The following IMMP2L variants were observed in gnomAD, a reference collection of about 807,000 sequenced individuals.
IMMP2L encodes inner mitochondrial membrane peptidase subunit 2, also known as mitochondrial inner membrane protease subunit 2.
A neutral mutation model predicts 19.3 loss-of-function variants in IMMP2L; 18 were observed. The observed-to-expected ratio is 0.93, with a 90% confidence interval of 0.64 to 1.38. IMMP2L has a LOEUF of 1.38. Ranked by LOEUF, IMMP2L falls within the 40% of genes most tolerant of loss-of-function variation. The probability of loss-of-function intolerance (pLI) is 0.00; values close to 1 mark genes in which losing one functional copy is unlikely to be tolerated. For synonymous variants in IMMP2L, 76 were observed against 73.0 expected, an observed-to-expected ratio of 1.04 and a Z score of -0.21; for missense variants, 233 against 218.2, an observed-to-expected ratio of 1.07 and a Z score of -0.43.
intron 2 of IMMP2L, among the ~76,000 whole-genome samples, chr7:111,509,004 G>A (rs944104846): frequency 6.6e-6 from 1 of 152,018 alleles, no homozygotes; most frequent in Admixed American, 6.5e-5. Context: ...ACAAAGAGAT[G>A]GGAAATAAAA....
At chr7:110,818,861 C>T (rs1182704241) in intron 5 of IMMP2L, among the ~76,000 whole-genome samples, 1 of 148,428 alleles carries the variant, frequency 6.7e-6, no homozygotes, top group Non-Finnish European at 1.5e-5. Context: ...ATCGCAAGGA[C>T]AAAAAACCAA....
intron 5 of IMMP2L, among the ~76,000 whole-genome samples, chr7:110,764,993 G>C (rs1459921639): frequency 6.6e-6 from 1 of 152,052 alleles, no homozygotes; most frequent in Non-Finnish European, 1.5e-5. Context: ...TAACAGGCTT[G>C]AACTTGAATC....
chr7:110,961,771 A>G (rs116675978), intron 4 of IMMP2L, among the ~76,000 whole-genome samples: 1,820 of 151,998 alleles, frequency 0.012, 46 homozygotes, highest in African/African-American at 0.042. Flanking sequence ...GAGAAACCTA[A>G]AAAACACTGT....
Position 111,455,478 on chromosome 7 carries a change from A to C in IMMP2L, c.239+31760T>G, listed in dbSNP as rs188532882. Among the ~76,000 whole-genome samples, 6 of 152,274 alleles carry C rather than the reference A, an allele frequency of 3.9e-5. No individual in the cohort carries two copies. The East Asian group carries it at 1.2e-3, about 29-fold the overall frequency. On this transcript the variant is annotated intron_variant, in intron 3 of 5. Transcript: ENST00000405709. ...ATAAACAGGCTTTCTTAAAATTTCCATTAAGTCATAAGTCATCCCATTCAA... is the reference window on the plus strand; with the variant it reads ...ATAAACAGGCTTTCTTAAAATTTCCCTTAAGTCATAAGTCATCCCATTCAA...
rs982749492 is a variant in IMMP2L at position 110,914,006 on chromosome 7, T to A, written c.306-27311A>T. Among the ~76,000 whole-genome samples the A allele has an allele frequency of 1.3e-5, 2 of 152,104 alleles. 1 individual carries two copies. Among genetic ancestry groups the A allele is most frequent in the South Asian group, 4.1e-4 (2 of 4,830 alleles). ...ACACAATTTCATAATAAACAGATATTATCATTGTTTTGGCCCTCCAGAAAG... is the reference window on the plus strand; with the variant it reads ...ACACAATTTCATAATAAACAGATATAATCATTGTTTTGGCCCTCCAGAAAG... On this transcript the variant is annotated intron_variant, in intron 4 of 5. Coordinates refer to ENST00000405709, the MANE Select transcript of IMMP2L (RefSeq NM_032549.4).
chr7:111,243,031 G>A (rs955073679), intron 3 of IMMP2L, among the ~76,000 whole-genome samples: 7 of 151,900 alleles, frequency 4.6e-5, no homozygotes, highest in African/African-American at 1.7e-4. Flanking sequence ...CTCTTTTTGT[G>A]CACTTTTCTT....
intron 5 of IMMP2L, among the ~76,000 whole-genome samples, chr7:110,718,924 C>T (rs1795397118): frequency 6.6e-6 from 1 of 152,130 alleles, no homozygotes; most frequent in Non-Finnish European, 1.5e-5. Flanking sequence ...ACAAATGAGG[C>T]TGGCTGAAGC....
chr7:111,446,350 C>A (rs940836246), intron 3 of IMMP2L, among the ~76,000 whole-genome samples: 1 of 142,198 alleles, frequency 7.0e-6, no homozygotes, highest in Non-Finnish European at 1.5e-5. Flanking sequence ...CAGCACACAG[C>A]TGGAGATCTG....
Position 110,751,907 on chromosome 7 carries a change from G to A in IMMP2L, c.409-88186C>T, listed in dbSNP as rs972017279. On this transcript the variant is annotated intron_variant, in intron 5 of 5. Transcript: ENST00000405709. ...ATGCATCCCAAAACCTTTAACTTCC[G>A]AGTGGTTCTAGAATTTAGAACCCAC... 7.2e-5 allele frequency among the ~76,000 whole-genome samples: 11 copies of A among 151,928 alleles called. No homozygotes were observed. The East Asian group carries it at 9.7e-4, about 13-fold the overall frequency.
chr7:111,086,045 A>T (rs1796295450), intron 3 of IMMP2L, among the ~76,000 whole-genome samples: 2 of 152,136 alleles, frequency 1.3e-5, no homozygotes, highest in Non-Finnish European at 2.9e-5. Flanking sequence ...GTGATGAAAT[A>T]ACATGCACAA....
intron 5 of IMMP2L, among the ~76,000 whole-genome samples, chr7:110,747,304 C>T (rs1269706981): frequency 1.3e-5 from 2 of 152,102 alleles, no homozygotes; most frequent in African/African-American, 4.8e-5. Flanking sequence ...GATTCATAGC[C>T]GAATTCTACC....
chr7:110,927,948 C>T (rs897680840), intron 4 of IMMP2L, among the ~76,000 whole-genome samples: 2 of 152,030 alleles, frequency 1.3e-5, no homozygotes, highest in Non-Finnish European at 2.9e-5. Context: ...TATCTCTTAT[C>T]TCCACTCTGT....
chr7:110,843,026 T>G (rs960451729), intron 5 of IMMP2L, among the ~76,000 whole-genome samples: 1 of 152,132 alleles, frequency 6.6e-6, no homozygotes, highest in Admixed American at 6.6e-5. Flanking sequence ...AAATCTGAGA[T>G]AAAATGCATG....
intron 3 of IMMP2L, among the ~76,000 whole-genome samples, chr7:111,102,599 AAG>A (rs761007853): frequency 2.0e-5 from 3 of 151,756 alleles, no homozygotes; most frequent in Admixed American, 1.3e-4. Flanking sequence ...AGTCAAATAA[AAG>A]AGAGAGAGAA....
intron 4 of IMMP2L, among the ~76,000 whole-genome samples, chr7:110,952,576 G>C (rs965219324): frequency 6.6e-6 from 1 of 152,126 alleles, no homozygotes; most frequent in Non-Finnish European, 1.5e-5. Context: ...TCCAAAGCCA[G>C]TCCAAGAAGT....
At chr7:110,903,357 A>G (rs2129547445) in intron 4 of IMMP2L, among the ~76,000 whole-genome samples, 1 of 152,254 alleles carries the variant, frequency 6.6e-6, no homozygotes, top group Non-Finnish European at 1.5e-5. Flanking sequence ...GAATTTCTAG[A>G]TCTTATTCAT....
At chr7:111,421,556 C>T (rs943211052) in intron 3 of IMMP2L, among the ~76,000 whole-genome samples, 1 of 151,654 alleles carries the variant, frequency 6.6e-6, no homozygotes, top group Non-Finnish European at 1.5e-5. Context: ...AAGCGTGAGC[C>T]ACCGCGCCCG....
intron 3 of IMMP2L, among the ~76,000 whole-genome samples, chr7:111,047,243 C>A (rs1346495781): frequency 6.6e-6 from 1 of 151,726 alleles, no homozygotes; most frequent in South Asian, 2.1e-4. Flanking sequence ...AGCTGGAATG[C>A]AATGGTGTGA....
intron 4 of IMMP2L, 99 bp downstream of exon 4, chr7:110,963,401 T>G: frequency 1.3e-6 from 1 of 780,866 alleles, no homozygotes. Context: ...TCTCCAAAAC[T>G]TTGGCCCTCA....
Sources: gnomAD v4.1 joint callset for allele counts (sites outside exome capture counted in the v4.1 genomes callset) on GRCh38, gnomAD v4.1.1 for gene constraint, MANE v1.5 for transcripts, NCBI Gene and HGNC (gene_info 2026-07-23, HGNC 2026-07-21) for gene names.